The following KHDRBS3 variants were observed in gnomAD, a reference collection of about 807,000 sequenced individuals.
KHDRBS3 encodes KH RNA binding domain containing, signal transduction associated 3.
Under a neutral mutation model 45.6 loss-of-function variants are expected in KHDRBS3, and 23 were observed. The ratio of observed to expected loss-of-function variants is 0.50; its 90% CI spans 0.36 to 0.72. KHDRBS3 has a LOEUF of 0.72. KHDRBS3 is among the 30% of genes least tolerant of loss of function. KHDRBS3 has a pLI of 0.00. For missense variants in KHDRBS3, 352 were observed against 424.8 expected, an observed-to-expected ratio of 0.83 and a Z score of 1.51; for synonymous variants, 162 against 156.5, an observed-to-expected ratio of 1.04 and a Z score of -0.26.
intron 5 of KHDRBS3, among the ~76,000 whole-genome samples, chr8:135,558,687 A>G (rs189391049): frequency 2.0e-5 from 3 of 152,142 alleles, no homozygotes; most frequent in Admixed American, 1.3e-4. Context: ...TTTCATTTCT[A>G]TTTTTTCTAC....
At chr8:135,636,926 G>A (rs1205841213) in intron 7 of KHDRBS3, among the ~76,000 whole-genome samples, 1 of 152,218 alleles carries the variant, frequency 6.6e-6, no homozygotes, top group African/African-American at 2.4e-5. Flanking sequence ...AATGAAGTTA[G>A]TGCCATCTCT....
chr8:135,652,747 C>T (rs977032152), intron 4 of KHDRBS3, among the ~76,000 whole-genome samples: 1 of 152,220 alleles, frequency 6.6e-6, no homozygotes. Flanking sequence ...ACTATGGACC[C>T]TCATCTTGCT....
At chr8:135,477,249 CT>C (rs1482198128) in intron 1 of KHDRBS3, among the ~76,000 whole-genome samples, 1 of 152,066 alleles carries the variant, frequency 6.6e-6, no homozygotes, top group Non-Finnish European at 1.5e-5. Context: ...GAAGTTAAAT[CT>C]TAGTGTTTAC....
chr8:135,622,304 T>C (rs4507802), intron 7 of KHDRBS3, among the ~76,000 whole-genome samples: 25,853 of 152,172 alleles, frequency 0.17, 3,382 homozygotes, highest in East Asian at 0.53. Context: ...GTAGGTATTC[T>C]TATCACAATT....
intron 5 of KHDRBS3, among the ~76,000 whole-genome samples, chr8:135,580,946 G>A (rs937836751): frequency 6.6e-6 from 1 of 152,100 alleles, no homozygotes; most frequent in Admixed American, 6.5e-5. Context: ...TGGTGTTTGG[G>A]CTTTTTTTTT....
chr8:135,628,450 G>GA (rs1166167406), intron 7 of KHDRBS3, among the ~76,000 whole-genome samples: 2 of 152,110 alleles, frequency 1.3e-5, no homozygotes, highest in Admixed American at 1.3e-4. Context: ...TTAAATGGCA[G>GA]AAAAATGTTG....
intron 1 of KHDRBS3, among the ~76,000 whole-genome samples, chr8:135,474,206 A>G (rs1463655656): frequency 6.6e-6 from 1 of 152,194 alleles, no homozygotes; most frequent in Non-Finnish European, 1.5e-5. Flanking sequence ...AACTTTCCTA[A>G]GTATCTGGAT....
At chr8:135,491,109 A>T (rs1373825124) in intron 1 of KHDRBS3, among the ~76,000 whole-genome samples, 1 of 152,050 alleles carries the variant, frequency 6.6e-6, no homozygotes, top group Non-Finnish European at 1.5e-5. Flanking sequence ...TTCTGCATTG[A>T]TGCTTTCTTA....
At chr8:135,594,720 A>G (rs1435668768) in intron 6 of KHDRBS3, among the ~76,000 whole-genome samples, 1 of 152,246 alleles carries the variant, frequency 6.6e-6, no homozygotes, top group Non-Finnish European at 1.5e-5. Flanking sequence ...TAGAATGACT[A>G]AAATTAAAAA....
intron 7 of KHDRBS3, among the ~76,000 whole-genome samples, chr8:135,616,095 C>T (rs1458974586): frequency 1.3e-5 from 2 of 152,202 alleles, no homozygotes; most frequent in East Asian, 1.9e-4. Context: ...CTATTGCGTA[C>T]TTACCAAGTG....
chr8:135,463,738 A>G (rs1821550486), intron 1 of KHDRBS3, among the ~76,000 whole-genome samples: 1 of 152,220 alleles, frequency 6.6e-6, no homozygotes, highest in Admixed American at 6.5e-5. Flanking sequence ...CGAAAGCCAG[A>G]GGAGCGATTG....
intron 7 of KHDRBS3, among the ~76,000 whole-genome samples, chr8:135,616,798 CCTACT>C (rs1369959166): frequency 1.3e-5 from 2 of 152,132 alleles, no homozygotes; most frequent in African/African-American, 4.8e-5. Context: ...AAGATAAAGA[CCTACT>C]CTAAAGTCTT....
chr8:135,621,871 A>C (rs1184462696), intron 7 of KHDRBS3, among the ~76,000 whole-genome samples: 1 of 152,128 alleles, frequency 6.6e-6, no homozygotes, highest in African/African-American at 2.4e-5. Context: ...CCTTCATACC[A>C]GGCTCAGGAG....
At chr8:135,559,547 G>A (rs1375107230) in intron 5 of KHDRBS3, among the ~76,000 whole-genome samples, 1 of 151,930 alleles carries the variant, frequency 6.6e-6, no homozygotes, top group Non-Finnish European at 1.5e-5. Context: ...ATTTTTAATA[G>A]AGACGGGGTT....
At chr8:135,492,105 T>C (rs1346493872) in intron 1 of KHDRBS3, among the ~76,000 whole-genome samples, 1 of 152,148 alleles carries the variant, frequency 6.6e-6, no homozygotes, top group Non-Finnish European at 1.5e-5. Context: ...TAGTACTAGA[T>C]AGTTGTCTCA....
chr8:135,561,539 GT>G lies in KHDRBS3; in HGVS notation c.611+3965del, dbSNP rs11406237. On this transcript the variant is annotated intron_variant, in intron 5 of 8. Coordinates refer to ENST00000355849, the MANE Select transcript of KHDRBS3 (RefSeq NM_006558.3). ...TGTTTTGATCCAGAATAAGTAATAAGTTTTTTTTTTTTTCCCATTCCCTTAC... is the reference window on the plus strand; with the variant it reads ...TGTTTTGATCCAGAATAAGTAATAAGTTTTTTTTTTTTCCCATTCCCTTAC... Among the ~76,000 whole-genome samples the G allele has an allele frequency of 1.3e-3, 187 of 146,884 alleles. 1 individual carries two copies. Among genetic ancestry groups the G allele is most frequent in the African/African-American group, 3.6e-3 (143 of 39,830 alleles).
At chr8:135,482,554 G>A (rs948974498) in intron 1 of KHDRBS3, among the ~76,000 whole-genome samples, 3 of 152,132 alleles carry the variant, frequency 2.0e-5, no homozygotes, top group Non-Finnish European at 4.4e-5. Context: ...AGACCCAAAT[G>A]TACCTACGTG....
At chr8:135,615,547 G>A (rs1464173965) in intron 7 of KHDRBS3, among the ~76,000 whole-genome samples, 1 of 152,094 alleles carries the variant, frequency 6.6e-6, no homozygotes, top group Non-Finnish European at 1.5e-5. Context: ...TTTTCAAAGA[G>A]TAGTACCCAT....
intron 1 of KHDRBS3, among the ~76,000 whole-genome samples, chr8:135,482,543 C>T (rs960207804): frequency 2.0e-5 from 3 of 152,196 alleles, no homozygotes; most frequent in Non-Finnish European, 4.4e-5. Context: ...TATGCTTCTG[C>T]AGACCCAAAT....
Sources: gnomAD v4.1 joint callset for allele counts (sites outside exome capture counted in the v4.1 genomes callset) on GRCh38, gnomAD v4.1.1 for gene constraint, MANE v1.5 for transcripts, NCBI Gene and HGNC (gene_info 2026-07-23, HGNC 2026-07-21) for gene names.